GUSB: variants seen among roughly 807,000 people sequenced by gnomAD.
The protein encoded by GUSB is beta-glucuronidase.
Under a neutral mutation model 74.6 loss-of-function variants are expected in GUSB, and 51 were observed. That is an observed-to-expected ratio of 0.68 (90% CI 0.55 to 0.86). The LOEUF (loss-of-function observed/expected upper bound fraction) is 0.86, where lower values mean the gene tolerates loss of function less well. GUSB is among the 40% of genes least tolerant of loss of function. GUSB has a pLI of 0.00. For missense variants in GUSB, 736 were observed against 853.7 expected (o/e 0.86, Z 1.72); for synonymous variants, 360 against 348.3 (o/e 1.03, Z -0.37).
chr7:65,974,940 G>A lies in GUSB; in HGVS notation c.1044C>T (p.Val348=), dbSNP rs147820162. ...ACACGTCCGCATCCTCATGCTTGTT[G>A]ACACCGTGGAAATAGAAAGGTTTCC... ...INGKPFYFHG[V]NKHEDADIRG... Residue 348 remains valine, a synonymous_variant, in exon 6 of 12, where the codon GTC becomes GTT. Coordinates refer to ENST00000304895, the MANE Select transcript of GUSB (RefSeq NM_000181.4). 109 of 1,613,764 alleles carry A rather than the reference G, an allele frequency of 6.8e-5. No homozygotes were observed. The highest frequency in any genetic ancestry group is 8.9e-5 in the Non-Finnish European group (105 of 1,179,862).
Position 65,974,521 on chromosome 7 carries a change from C to A in GUSB, c.1244+5G>T. The A allele has an allele frequency of 6.2e-7, 1 of 1,614,144 alleles. No homozygotes were observed. The highest frequency in any genetic ancestry group is 8.5e-7 in the Non-Finnish European group (1 of 1,180,040). ...AGGCGGAGCAGGTGCACAGCAGAGACTCACGGCAGCGCCAGGCCCACGCCG... is the reference window on the plus strand; with the variant it reads ...AGGCGGAGCAGGTGCACAGCAGAGAATCACGGCAGCGCCAGGCCCACGCCG... On this transcript the variant is annotated splice_donor_5th_base_variant and intron_variant, in intron 7 of 11. Transcript: ENST00000304895.
At chr7:65,976,267 GC>G in intron 4 of GUSB, 65 bp from the exon 5 acceptor site, 2 of 1,105,368 alleles carry the variant, frequency 1.8e-6, no homozygotes, top group Non-Finnish European at 2.7e-6. Context: ...AAACAGGAGC[GC>G]CCTGCAGCCA....
At chr7:65,963,879 C>T (rs1161891995) in intron 11 of GUSB, among the ~76,000 whole-genome samples, 3 of 152,140 alleles carry the variant, frequency 2.0e-5, no homozygotes, top group African/African-American at 2.4e-5. Flanking sequence ...ATTCAAGATG[C>T]GTTGAAACTC....
Position 65,982,206 on chromosome 7 carries a change from C to G in GUSB, c.-23G>C. 6.7e-7 allele frequency: 1 copy of G among 1,491,610 alleles called. No individual in the cohort carries two copies. The highest frequency in any genetic ancestry group is 2.7e-5 in the East Asian group (1 of 37,676). The allele number at this position is 1,491,610 out of a possible 1,614,324, so 92.4% of individuals were successfully genotyped here. A position where few individuals can be genotyped will look rare whatever the true frequency, so the allele number is the denominator to read the frequency against. Reference sequence around the variant, plus strand: ...CATGCTTCCCGGTCCCCCGCTCGGCCACCGTCTGCGGCGCTAAGAAAAGCG... The same window carrying G: ...CATGCTTCCCGGTCCCCCGCTCGGCGACCGTCTGCGGCGCTAAGAAAAGCG... On this transcript the variant is annotated 5_prime_UTR_variant, in exon 1 of 12. Coordinates refer to ENST00000304895, the MANE Select transcript of GUSB (RefSeq NM_000181.4).
In GUSB at chr7:65,960,700, T is replaced by C. The variant is rs1562665305; in HGVS notation, c.*197A>G. ...TTCAGATGCTTTTCAGTAGCCACTT[T>C]CATGCCAACTCTTTATTTCCATAAT... is the stretch of plus-strand genomic sequence containing the variant. On this transcript the variant is annotated 3_prime_UTR_variant, in exon 12 of 12. Coordinates refer to ENST00000304895, the MANE Select transcript of GUSB (RefSeq NM_000181.4). The C allele has an allele frequency of 1.0e-4, 61 of 598,092 alleles. No homozygotes were observed. The East Asian group carries it at 1.7e-3, about 17-fold the overall frequency. The allele number at this position is 598,092 out of a possible 1,614,324, so 37.0% of individuals were successfully genotyped here.
At chr7:65,962,611 G>A (rs1305232919) in intron 11 of GUSB, among the ~76,000 whole-genome samples, 1 of 152,062 alleles carries the variant, frequency 6.6e-6, no homozygotes, top group Non-Finnish European at 1.5e-5. Context: ...GGTGGCTCAT[G>A]CCTGTAATCC....
intron 9 of GUSB, among the ~76,000 whole-genome samples, chr7:65,968,420 T>C (rs1348018291): frequency 1.3e-5 from 2 of 152,064 alleles, no homozygotes; most frequent in African/African-American, 2.4e-5. Context: ...GGAAGGGCTG[T>C]GAGAGGCACA....
In GUSB at chr7:65,964,323, A is replaced by G. The variant is rs1372429447; in HGVS notation, c.1789T>C (p.Ser597Pro). The change falls in exon 11 of 12, where the codon TCA (serine) becomes CCA (proline). Residue 597 changes from serine (S) to proline (P), a missense_variant and splice_region_variant. Ser to Pro is a moderately conservative substitution (Grantham distance 74). Around this residue, in one of 2 missense-constraint regions of GUSB, gnomAD observed 368 missense variants for 489.9 expected, o/e 0.75. Transcript: ENST00000304895. ...WNFADFMTEQSPTRVLGNKKG... is the reference protein window; with the variant it reads ...WNFADFMTEQPPTRVLGNKKG... Reference sequence around the variant, plus strand: ...TCCCATGAGCCAAACTGCCACTTACACTGTTCAGTCATGAAATCGGCAAAA... The same window carrying G: ...TCCCATGAGCCAAACTGCCACTTACGCTGTTCAGTCATGAAATCGGCAAAA... 4 of 1,611,476 alleles carry G rather than the reference A, an allele frequency of 2.5e-6. No individual in the cohort carries two copies. The highest frequency in any genetic ancestry group is 1.3e-5 in the African/African-American group (1 of 74,816).
intron 1 of GUSB, among the ~76,000 whole-genome samples, chr7:65,981,613 C>T (rs1214738438): frequency 1.3e-5 from 2 of 151,878 alleles, no homozygotes; most frequent in Non-Finnish European, 2.9e-5. Context: ...ATCGCTTGAG[C>T]TCAGAAGTTA....
chr7:65,966,854 G>C (rs1433721288), intron 10 of GUSB, among the ~76,000 whole-genome samples: 3 of 152,182 alleles, frequency 2.0e-5, no homozygotes, highest in South Asian at 2.1e-4. Context: ...GGCCAAGGCA[G>C]GAAGATCAAT....
Position 65,982,205 on chromosome 7 carries a change from C to T in GUSB, c.-22G>A, listed in dbSNP as rs1256352567. The T allele has an allele frequency of 4.0e-6, 6 of 1,491,112 alleles. No homozygotes were observed. The South Asian group carries it at 5.0e-5, about 12-fold the overall frequency. 92.4% of individuals were successfully genotyped at this position (1,491,112 alleles called of 1,614,324 possible). On this transcript the variant is annotated 5_prime_UTR_variant, in exon 1 of 12. Transcript: ENST00000304895. The stretch of plus-strand genomic sequence containing the variant: ...CCATGCTTCCCGGTCCCCCGCTCGG[C>T]CACCGTCTGCGGCGCTAAGAAAAGC...
At chr7:65,980,441 G>A (rs2116044201) in intron 1 of GUSB, 32 bp from the exon 2 acceptor site, 1 of 1,599,842 alleles carries the variant, frequency 6.3e-7, no homozygotes, top group Non-Finnish European at 8.5e-7. Context: ...TCAGCTCCTA[G>A]GCCCCCAAAA....
intron 6 of GUSB, 89 bp downstream of exon 6, chr7:65,974,830 G>A (rs1333108230): frequency 6.4e-7 from 1 of 1,559,298 alleles, no homozygotes; most frequent in Non-Finnish European, 8.8e-7. Flanking sequence ...TCATTGCCCT[G>A]AGCTGCCCTC....
rs542843868 is a variant in GUSB, at chr7:65,973,793, T to C, written c.1391+502A>G. ...AAATAAAGCAAAAATTAGCTGGGCG[T>C]GATGACACACATCTAGAATCCCAGC... On this transcript the variant is annotated intron_variant, in intron 8 of 11. Coordinates refer to ENST00000304895, the MANE Select transcript of GUSB (RefSeq NM_000181.4). Among the ~76,000 whole-genome samples the C allele has an allele frequency of 1.3e-4, 20 of 151,992 alleles. No homozygotes were observed. In the South Asian group the frequency reaches 4.0e-3, roughly 30 times the overall value.
intron 4 of GUSB, among the ~76,000 whole-genome samples, chr7:65,977,099 A>G (rs1463070272): frequency 6.6e-6 from 1 of 152,118 alleles, no homozygotes; most frequent in Non-Finnish European, 1.5e-5. Context: ...GAGTTTCCCC[A>G]GTAATAATCG....
chr7:65,961,426 T>C lies in GUSB; in HGVS notation c.1790-363A>G, dbSNP rs74802260. Among the ~76,000 whole-genome samples the C allele has an allele frequency of 9.6e-3, 1,465 of 152,322 alleles. 29 individuals are homozygous for C. The highest frequency in any genetic ancestry group is 0.033 in the African/African-American group (1,365 of 41,576). ...CTGGGATTATAAGCACAAGCCACCA[T>C]GCTCAGCCAAATGTCCTCTTACAGT... On this transcript the variant is annotated intron_variant, in intron 11 of 11. Coordinates refer to ENST00000304895, the MANE Select transcript of GUSB (RefSeq NM_000181.4).
intron 2 of GUSB, 89 bp downstream of exon 2, chr7:65,980,135 C>G (rs976560220): frequency 7.7e-7 from 1 of 1,290,626 alleles, no homozygotes; most frequent in Admixed American, 2.0e-5. Context: ...CCCACCCCAG[C>G]ATACATGCCG....
intron 9 of GUSB, 123 bp downstream of exon 9, chr7:65,970,159 A>C: frequency 1.4e-6 from 1 of 733,984 alleles, no homozygotes; most frequent in South Asian, 1.4e-5. Context: ...TTTAAGTAAA[A>C]AAGAAAATGA....
chr7:65,970,587 A>G (rs956966655), intron 8 of GUSB, among the ~76,000 whole-genome samples: 1 of 151,486 alleles, frequency 6.6e-6, no homozygotes, highest in African/African-American at 2.4e-5. Flanking sequence ...CCCCAACTCT[A>G]TCTACTACAA....
Sources: allele counts gnomAD v4.1 joint callset (sites outside exome capture counted in the v4.1 genomes callset), GRCh38; gene constraint gnomAD v4.1.1; regional missense constraint gnomAD v4.1.1; transcripts MANE v1.5; gene names NCBI Gene and HGNC (gene_info 2026-07-23, HGNC 2026-07-21).